ARMCX4: variants seen among roughly 807,000 people sequenced by gnomAD.
ARMCX4 encodes armadillo repeat containing X-linked 4.
In ARMCX4, 3 loss-of-function variants were observed where a neutral mutation model predicts 34.7. The ratio of observed to expected loss-of-function variants is 0.09; its 90% CI spans 0.04 to 0.22. The LOEUF (loss-of-function observed/expected upper bound fraction) is 0.22, where lower values mean the gene tolerates loss of function less well. Among genes scored for constraint, ARMCX4 ranks in the 10% least tolerant of loss-of-function variants. ARMCX4 has a pLI of 1.00. For synonymous variants in ARMCX4, 513 were observed against 632.8 expected (o/e 0.81, Z 2.84); for missense variants, 1,448 against 1,720.8 (o/e 0.84, Z 2.81).
rs782333427 is a variant in ARMCX4 at position 101,426,701 on chromosome X, G to A, written n.164+7701G>A. Among the ~76,000 whole-genome samples, 46 of 111,374 alleles carry A rather than the reference G, an allele frequency of 4.1e-4. 1 individual carries two copies. The highest frequency in any genetic ancestry group is 7.0e-4 in the Non-Finnish European group (37 of 53,103). ...TTTAATCCCCAAAGCAGCTCTATGA[G>A]GTAGGTATTATTATTATCACCCCCT... On this transcript the variant is annotated intron_variant and non_coding_transcript_variant, in intron 2 of 3. Coordinates refer to the ARMCX4 transcript ENST00000430461.
At chrX:101,453,820 G>A (rs946364571) in intron 4 of ARMCX4, among the ~76,000 whole-genome samples, 1 of 110,541 alleles carries the variant, frequency 9.0e-6, no homozygotes. Context: ...GTCCCTTGAT[G>A]TTAATTATAA....
chrX:101,523,078 G>A (rs1263212856), intron 11 of ARMCX4, among the ~76,000 whole-genome samples: 2 of 111,454 alleles, frequency 1.8e-5, no homozygotes, highest in Non-Finnish European at 3.8e-5. Context: ...AATCAGAGAA[G>A]GATGGAGCAG....
intron 7 of ARMCX4, among the ~76,000 whole-genome samples, chrX:101,502,728 T>C (rs944452897): frequency 3.1e-4 from 35 of 111,290 alleles, no homozygotes; most frequent in Admixed American, 5.7e-4. Flanking sequence ...TATTTTTTTT[T>C]TATTTTTATT....
At chrX:101,460,046 C>T (rs1932536023) in intron 4 of ARMCX4, among the ~76,000 whole-genome samples, 1 of 112,760 alleles carries the variant, frequency 8.9e-6, no homozygotes, top group African/African-American at 3.2e-5. Flanking sequence ...TGCTACTGCT[C>T]TAGGGACCAC....
chrX:101,475,919 C>A (rs782496971), intron 4 of ARMCX4, among the ~76,000 whole-genome samples: 2 of 111,023 alleles, frequency 1.8e-5, no homozygotes, highest in Non-Finnish European at 3.8e-5. Flanking sequence ...GCTTAGCACA[C>A]CTTTTTCAAT....
At chrX:101,517,643 A>G (rs1934770667) in intron 11 of ARMCX4, among the ~76,000 whole-genome samples, 1 of 112,302 alleles carries the variant, frequency 8.9e-6, no homozygotes, top group Non-Finnish European at 1.9e-5. Context: ...ACCTTTTAAG[A>G]CAGTATCAAA....
chrX:101,452,524 T>C (rs1932041733), downstream of ARMCX4, among the ~76,000 whole-genome samples: 1 of 111,783 alleles, frequency 8.9e-6, no homozygotes, highest in South Asian at 3.7e-4. Context: ...ATGGTTGGGC[T>C]GGTTTTTTTG....
At chrX:101,529,869 C>T (rs931245642) in intron 11 of ARMCX4, among the ~76,000 whole-genome samples, 4 of 111,655 alleles carry the variant, frequency 3.6e-5, no homozygotes, top group Non-Finnish European at 5.7e-5. Flanking sequence ...AATAGCAACA[C>T]TTTTACACTG....
intron 11 of ARMCX4, among the ~76,000 whole-genome samples, chrX:101,511,617 C>T (rs981790693): frequency 6.3e-5 from 7 of 111,158 alleles, no homozygotes; most frequent in Non-Finnish European, 1.1e-4. Flanking sequence ...GTGGCACACA[C>T]AAATGCCAGT....
At chrX:101,488,156 C>G in intron 5 of ARMCX4, 57 bp downstream of exon 5, 2 of 486,106 alleles carry the variant, frequency 4.1e-6, no homozygotes, top group Non-Finnish European at 6.1e-6. Flanking sequence ...CAGTAGAAAT[C>G]AAAGTCTGGG....
intron 4 of ARMCX4, among the ~76,000 whole-genome samples, chrX:101,474,982 G>GAAAAAAA (rs1224232813): frequency 3.2e-5 from 2 of 63,314 alleles, no homozygotes; most frequent in Admixed American, 1.8e-4. Context: ...GGAGAAGGAA[G>GAAAAAAA]AAAAAAAAAA....
chrX:101,443,877 T>A (rs1293902714), intron 2 of ARMCX4: 4 of 371,516 alleles, frequency 1.1e-5, no homozygotes, highest in Non-Finnish European at 2.1e-5. Context: ...GCATTTTCCA[T>A]GAACAAGATG....
chrX:101,449,200 C>T (rs1408372917), downstream of ARMCX4, among the ~76,000 whole-genome samples: 33 of 112,358 alleles, frequency 2.9e-4, no homozygotes, highest in Non-Finnish European at 1.7e-4. Flanking sequence ...GCCACCTCGC[C>T]TGGGTCAAAT....
At chrX:101,516,288 T>C (rs1556017912) in intron 11 of ARMCX4, among the ~76,000 whole-genome samples, 1 of 111,816 alleles carries the variant, frequency 8.9e-6, no homozygotes. Context: ...CCATGTCTAA[T>C]TAATAACTTT....
At chrX:101,421,611 A>C (rs781999338) in intron 2 of ARMCX4, among the ~76,000 whole-genome samples, 1 of 111,401 alleles carries the variant, frequency 9.0e-6, no homozygotes, top group South Asian at 3.8e-4. Context: ...GTGTCTGGTG[A>C]GGCCATTCTC....
At chrX:101,504,534 A>G (rs1934398288) in intron 7 of ARMCX4, among the ~76,000 whole-genome samples, 1 of 110,888 alleles carries the variant, frequency 9.0e-6, no homozygotes, top group Non-Finnish European at 1.9e-5. Flanking sequence ...CTCAGTCCTA[A>G]GAGCCCTCCT....
intron 2 of ARMCX4, among the ~76,000 whole-genome samples, chrX:101,433,189 C>G (rs1244401383): frequency 2.1e-5 from 1 of 48,256 alleles, no homozygotes; most frequent in Non-Finnish European, 5.4e-5. Context: ...TACACGCACA[C>G]ATACACATAT....
intron 11 of ARMCX4, among the ~76,000 whole-genome samples, chrX:101,512,712 T>G (rs915914002): frequency 9.3e-6 from 1 of 107,833 alleles, no homozygotes; most frequent in African/African-American, 3.4e-5. Flanking sequence ...GTATTAGGAC[T>G]CTCTAGAGAA....
chrX:101,475,494 A>T (rs1933146563), intron 4 of ARMCX4, among the ~76,000 whole-genome samples: 1 of 111,511 alleles, frequency 9.0e-6, no homozygotes. Context: ...GCGGGGAAGG[A>T]ACAAAAAAGC....
Sources: gnomAD v4.1 joint callset for allele counts (sites outside exome capture counted in the v4.1 genomes callset) on GRCh38, gnomAD v4.1.1 for gene constraint, MANE v1.5 for transcripts, NCBI Gene and HGNC (gene_info 2026-07-23, HGNC 2026-07-21) for gene names.